Variants in NBEA observed in about 807,000 individuals in gnomAD.
The protein encoded by NBEA is lysosomal-trafficking regulator 2.
NBEA carries 44 observed loss-of-function variants against 343.4 expected under a neutral mutation model. The ratio of observed to expected loss-of-function variants is 0.13; its 90% CI spans 0.10 to 0.16. The LOEUF is 0.16. Among genes scored for constraint, NBEA ranks in the 10% least tolerant of loss-of-function variants. The pLI is 1.00. For missense variants in NBEA, 2,555 were observed against 3,631.3 expected, an observed-to-expected ratio of 0.70 and a Z score of 7.62; for synonymous variants, 1,175 against 1,238.7, an observed-to-expected ratio of 0.95 and a Z score of 1.08.
intron 57 of NBEA, 116 bp from the exon 58 acceptor site, chr13:35,668,252 A>C: frequency 2.1e-6 from 2 of 958,032 alleles, no homozygotes; most frequent in South Asian, 3.3e-5. Context: ...AGGGAACTGT[A>C]CTGAGTACTT....
intron 38 of NBEA, among the ~76,000 whole-genome samples, chr13:35,424,399 G>C (rs530616731): frequency 2.0e-5 from 3 of 152,272 alleles, no homozygotes; most frequent in African/African-American, 7.2e-5. Context: ...TTCATCTATT[G>C]AGATAATCAT....
chr13:35,638,945 A>G (rs1168691803), intron 49 of NBEA, among the ~76,000 whole-genome samples: 1 of 152,242 alleles, frequency 6.6e-6, no homozygotes, highest in African/African-American at 2.4e-5. Context: ...GATAAGTCAC[A>G]TCTTAATTCT....
chr13:35,587,281 T>C (rs1357886243), intron 46 of NBEA, among the ~76,000 whole-genome samples: 1 of 152,190 alleles, frequency 6.6e-6, no homozygotes, highest in East Asian at 1.9e-4. Flanking sequence ...CCATGAGATA[T>C]ATTTCTTAAG....
chr13:35,218,092 A>G (rs1355579943), intron 33 of NBEA, among the ~76,000 whole-genome samples: 2 of 152,048 alleles, frequency 1.3e-5, no homozygotes, highest in African/African-American at 2.4e-5. Context: ...ACCTCCATAA[A>G]GGAAACATGG....
intron 9 of NBEA, among the ~76,000 whole-genome samples, chr13:35,070,350 A>G (rs948359696): frequency 1.3e-5 from 2 of 152,122 alleles, no homozygotes; most frequent in Non-Finnish European, 2.9e-5. Flanking sequence ...TTGAAATTAA[A>G]TCAATTAACT....
intron 41 of NBEA, among the ~76,000 whole-genome samples, chr13:35,541,948 G>A (rs748635121): frequency 1.3e-5 from 2 of 151,960 alleles, no homozygotes; most frequent in Non-Finnish European, 2.9e-5. Context: ...CCCATCTTTA[G>A]ATAAGAAAAC....
chr13:35,227,686 G>T lies in NBEA; in HGVS notation c.5649-4806G>T, dbSNP rs143260365. Among the ~76,000 whole-genome samples the T allele has an allele frequency of 1.5e-3, 224 of 151,834 alleles. 2 individuals are homozygous for T. The highest frequency in any genetic ancestry group is 4.9e-3 in the African/African-American group (204 of 41,444). Reference sequence around the variant, plus strand: ...TTTAAGCACTCTAATCTTTCAAATCGAATTGTTGTTTATTATATTTGTGAC... The same window carrying T: ...TTTAAGCACTCTAATCTTTCAAATCTAATTGTTGTTTATTATATTTGTGAC... On this transcript the variant is annotated intron_variant, in intron 33 of 58. Coordinates refer to ENST00000379939, the MANE Select transcript of NBEA (RefSeq NM_001385012.1).
intron 1 of NBEA, among the ~76,000 whole-genome samples, chr13:34,968,514 T>C (rs867271668): frequency 2.4e-4 from 36 of 152,232 alleles, no homozygotes; most frequent in South Asian, 8.3e-4. Flanking sequence ...GTGCCAAGAA[T>C]TGGGGGCAAA....
At position 35,432,381 on chromosome 13, in the gene NBEA, G is replaced by A. The variant is rs985357112; in HGVS notation, c.6292G>A (p.Ala2098Thr). Residue 2098 changes from alanine to threonine, a missense_variant, in exon 39 of 59, where the codon GCA (alanine) becomes ACA (threonine). Physicochemically the swap from Ala to Thr is moderately conservative, Grantham distance 58 (BLOSUM62 0). Transcript: ENST00000379939. ...STHAEALLKA[A>T]IEYGTEEDVV... ...TCATGCTGAAGCATTGCTGAAAGCT[G>A]CAATAGAATATGGTTAGTACCAATG... is the stretch of plus-strand genomic sequence containing the variant. 2 of 1,605,414 alleles carry A rather than the reference G, an allele frequency of 1.2e-6. No individual in the cohort carries two copies. The highest frequency in any genetic ancestry group is 2.7e-5 in the African/African-American group (2 of 74,622).
chr13:34,989,423 A>C (rs557619768), intron 1 of NBEA, among the ~76,000 whole-genome samples: 84 of 151,152 alleles, frequency 5.6e-4, no homozygotes, highest in African/African-American at 2.0e-3. Context: ...ATCATGGCAG[A>C]AGGTGAAGGG....
chr13:34,988,236 G>A (rs2152513302), intron 1 of NBEA, among the ~76,000 whole-genome samples: 1 of 151,176 alleles, frequency 6.6e-6, no homozygotes, highest in Middle Eastern at 3.4e-3. Flanking sequence ...CTCCCAGTTA[G>A]CCAGTTAGGC....
chr13:35,278,892 G>T (rs557738697), intron 34 of NBEA, among the ~76,000 whole-genome samples: 1 of 152,100 alleles, frequency 6.6e-6, no homozygotes, highest in South Asian at 2.1e-4. Flanking sequence ...ATATGTAAAA[G>T]AATAAGCTCA....
intron 31 of NBEA, among the ~76,000 whole-genome samples, chr13:35,205,784 G>A (rs1419351608): frequency 6.6e-6 from 1 of 152,020 alleles, no homozygotes; most frequent in Non-Finnish European, 1.5e-5. Context: ...TCCATGGACT[G>A]TGCTAAGTAC....
intron 34 of NBEA, among the ~76,000 whole-genome samples, chr13:35,271,870 C>T (rs1377882304): frequency 6.6e-6 from 1 of 152,184 alleles, no homozygotes; most frequent in Admixed American, 6.5e-5. Flanking sequence ...AAGACCAACT[C>T]TACGCTTGAT....
chr13:35,230,100 A>C (rs1386831943), intron 33 of NBEA, among the ~76,000 whole-genome samples: 1 of 152,118 alleles, frequency 6.6e-6, no homozygotes, highest in Non-Finnish European at 1.5e-5. Context: ...TATTCTAATA[A>C]ATTTTATAAG....
chr13:35,180,284 A>C (rs187509153), intron 28 of NBEA, among the ~76,000 whole-genome samples: 1 of 151,810 alleles, frequency 6.6e-6, no homozygotes, highest in Non-Finnish European at 1.5e-5. Context: ...TACCTAGCTT[A>C]TAAAAGAAGT....
At position 35,156,122 on chromosome 13, in the gene NBEA, C is replaced by T. The variant is rs1221690881; in HGVS notation, c.2567C>T (p.Thr856Ile). ...GTGGCAACTTTGTTAAAAAACTCTA[C>T]ACCAAGTGCAGAGCTGATGGAAGTT... ...KVVATLLKNS[T>I]PSAELMEVRR... is the part of the protein sequence containing the mutation. Residue 856 changes from threonine to isoleucine, a missense_variant, in exon 20 of 59, where the codon ACA becomes ATA. This residue lies in a region of NBEA where 360 missense variants were observed against 519.1 expected (regional missense o/e 0.69). Coordinates refer to ENST00000379939, the MANE Select transcript of NBEA (RefSeq NM_001385012.1). 6.3e-7 allele frequency: 1 copy of T among 1,587,716 alleles called. No individual in the cohort carries two copies. The highest frequency in any genetic ancestry group is 1.9e-5 in the Admixed American group (1 of 53,124).
At chr13:35,010,370 A>T (rs1312134644) in intron 1 of NBEA, among the ~76,000 whole-genome samples, 1 of 151,918 alleles carries the variant, frequency 6.6e-6, no homozygotes, top group Non-Finnish European at 1.5e-5. Flanking sequence ...TGAGGCTAGG[A>T]GTTTGAAGAC....
At chr13:35,278,335 C>G (rs2034789891) in intron 34 of NBEA, among the ~76,000 whole-genome samples, 1 of 151,874 alleles carries the variant, frequency 6.6e-6, no homozygotes, top group Non-Finnish European at 1.5e-5. Context: ...TTCATTTTCT[C>G]TACCTATTAT....
Sources: gnomAD v4.1 joint callset for allele counts (sites outside exome capture counted in the v4.1 genomes callset) on GRCh38, gnomAD v4.1.1 for gene constraint, gnomAD v4.1.1 regional missense constraint, MANE v1.5 for transcripts, NCBI Gene and HGNC (gene_info 2026-07-23, HGNC 2026-07-21) for gene names.